Variants in XKR9 observed in about 807,000 individuals in gnomAD.
The protein encoded by XKR9 is XK related 9.
A neutral mutation model predicts 32.0 loss-of-function variants in XKR9; 32 were observed. The ratio of observed to expected loss-of-function variants is 1.00; its 90% CI spans 0.76 to 1.34. The LOEUF is 1.34. Among genes scored for constraint, XKR9 ranks in the 40% most tolerant of loss-of-function variants. The pLI, the probability that XKR9 is intolerant of heterozygous loss-of-function variation, is 0.00. For synonymous variants in XKR9, 168 were observed against 143.4 expected (o/e 1.17, Z -1.22); for missense variants, 546 against 429.7 (o/e 1.27, Z -2.39).
chr8:70,851,288 C>G, the XKR9 span, among the ~76,000 whole-genome samples: 1 of 152,064 alleles, frequency 6.6e-6, no homozygotes, highest in Non-Finnish European at 1.5e-5. Context: ...AGAGAGCACA[C>G]AAACAAATGG....
chr8:70,695,459 A>T (rs1289603817), intron 3 of XKR9, among the ~76,000 whole-genome samples: 2 of 151,712 alleles, frequency 1.3e-5, no homozygotes, highest in Non-Finnish European at 2.9e-5. Flanking sequence ...TAGTTTACTG[A>T]GAATGACGGT....
the XKR9 span, among the ~76,000 whole-genome samples, chr8:71,014,626 T>C: frequency 1.3e-3 from 191 of 152,336 alleles, no homozygotes; most frequent in African/African-American, 4.3e-3. Flanking sequence ...TAGTTACATC[T>C]GCAAAGAACC....
the XKR9 span, among the ~76,000 whole-genome samples, chr8:70,830,307 G>A: frequency 9.2e-5 from 14 of 152,014 alleles, no homozygotes; most frequent in East Asian, 1.9e-4. Flanking sequence ...CAGGCCAGGC[G>A]CCACAGCTCA....
At chr8:70,827,175 A>G in the XKR9 span, among the ~76,000 whole-genome samples, 1 of 152,156 alleles carries the variant, frequency 6.6e-6, no homozygotes, top group African/African-American at 2.4e-5. Flanking sequence ...ATTAAAAGCT[A>G]TATTTATATA....
the XKR9 span, among the ~76,000 whole-genome samples, chr8:71,004,998 CTTTTTT>C: frequency 2.1e-5 from 1 of 48,206 alleles, no homozygotes; most frequent in South Asian, 7.6e-4. Context: ...TTAATCTATG[CTTTTTT>C]TTTTTTTTTT....
the XKR9 span, among the ~76,000 whole-genome samples, chr8:70,948,909 A>C: frequency 6.6e-6 from 1 of 152,234 alleles, no homozygotes; most frequent in Non-Finnish European, 1.5e-5. Context: ...AGTTTTCCAA[A>C]GATACATATG....
intron 1 of XKR9, among the ~76,000 whole-genome samples, chr8:70,670,189 C>A (rs753861437): frequency 6.6e-6 from 1 of 152,162 alleles, no homozygotes; most frequent in African/African-American, 2.4e-5. Flanking sequence ...CTCGCACTAA[C>A]ACTTGTCCCC....
At chr8:70,892,002 T>C in the XKR9 span, among the ~76,000 whole-genome samples, 11 of 152,220 alleles carry the variant, frequency 7.2e-5, no homozygotes, top group Non-Finnish European at 1.5e-4. Context: ...CCTTCATTAT[T>C]ATACAATGAC....
At chr8:70,762,424 G>A (rs1807321272) in intron 2 of XKR9, among the ~76,000 whole-genome samples, 1 of 152,094 alleles carries the variant, frequency 6.6e-6, no homozygotes, top group Non-Finnish European at 1.5e-5. Context: ...ATTACCACCT[G>A]AGCTCCACCT....
chr8:70,907,752 A>AC, the XKR9 span, among the ~76,000 whole-genome samples: 1 of 152,152 alleles, frequency 6.6e-6, no homozygotes, highest in Non-Finnish European at 1.5e-5. Context: ...TTTGATCTTT[A>AC]TCATTTGTTT....
At chr8:70,752,418 C>A (rs1807155435) in intron 2 of XKR9, among the ~76,000 whole-genome samples, 1 of 152,080 alleles carries the variant, frequency 6.6e-6, no homozygotes, top group Non-Finnish European at 1.5e-5. Context: ...CCTCATGATG[C>A]ATCATAACAT....
chr8:70,937,820 G>C, the XKR9 span, among the ~76,000 whole-genome samples: 4 of 152,058 alleles, frequency 2.6e-5, no homozygotes, highest in South Asian at 8.3e-4. Context: ...TAAACTTGAA[G>C]CAAAAATCAT....
chr8:70,739,767 C>A (rs1034780098), downstream of XKR9, among the ~76,000 whole-genome samples: 17 of 152,176 alleles, frequency 1.1e-4, no homozygotes, highest in African/African-American at 4.1e-4. Context: ...GTTGAAAATT[C>A]TTTTCTTTCA....
intron 2 of XKR9, among the ~76,000 whole-genome samples, chr8:70,750,312 T>C (rs115268381): frequency 0.012 from 1,763 of 152,320 alleles, 33 homozygotes; most frequent in African/African-American, 0.038. Flanking sequence ...TTACTTTTTC[T>C]GAGCTCCTAG....
chr8:70,888,938 T>A, the XKR9 span, among the ~76,000 whole-genome samples: 1 of 152,012 alleles, frequency 6.6e-6, no homozygotes, highest in African/African-American at 2.4e-5. Flanking sequence ...CTATTCAGAG[T>A]CTTTTGTAGT....
chr8:70,811,290 AG>A, the XKR9 span, among the ~76,000 whole-genome samples: 1 of 152,196 alleles, frequency 6.6e-6, no homozygotes, highest in Non-Finnish European at 1.5e-5. Flanking sequence ...CATTCAAAGC[AG>A]TGTGTAGAGG....
At chr8:70,755,314 C>G (rs569632108) in intron 2 of XKR9, among the ~76,000 whole-genome samples, 1 of 152,146 alleles carries the variant, frequency 6.6e-6, no homozygotes, top group Non-Finnish European at 1.5e-5. Context: ...GTTGCTGGGA[C>G]TGTAAACTAG....
chr8:70,672,084 G>C (rs1377716121), intron 1 of XKR9, among the ~76,000 whole-genome samples: 1 of 53,786 alleles, frequency 1.9e-5, no homozygotes, highest in East Asian at 2.6e-4. Context: ...ACAAACAAAT[G>C]GAAGAACATT....
chr8:70,854,803 G>A, the XKR9 span, among the ~76,000 whole-genome samples: 1 of 152,058 alleles, frequency 6.6e-6, no homozygotes, highest in Admixed American at 6.6e-5. Context: ...TCTTGTTTTT[G>A]TCAGGTTTGT....
Sources: gnomAD v4.1 joint callset for allele counts (sites outside exome capture counted in the v4.1 genomes callset) on GRCh38, gnomAD v4.1.1 for gene constraint, MANE v1.5 for transcripts, NCBI Gene and HGNC (gene_info 2026-07-23, HGNC 2026-07-21) for gene names.